The following SPSB3 variants were observed in gnomAD, a reference collection of about 807,000 sequenced individuals.
The protein encoded by SPSB3 is splA/ryanodine receptor domain and SOCS box containing 3.
Under a neutral mutation model 29.5 loss-of-function variants are expected in SPSB3, and 18 were observed. The ratio of observed to expected loss-of-function variants is 0.61; its 90% CI spans 0.42 to 0.91. SPSB3 has a LOEUF of 0.91. Among genes scored for constraint, SPSB3 ranks in the 40% least tolerant of loss-of-function variants. The pLI, the probability that SPSB3 is intolerant of heterozygous loss-of-function variation, is 0.00. For synonymous variants in SPSB3, 299 were observed against 214.1 expected (o/e 1.40, Z -3.46); for missense variants, 540 against 507.5 (o/e 1.06, Z -0.61).
rs2042718949 is a variant in SPSB3 at position 1,776,758 on chromosome 16, A to G, written c.*339T>C. 4.8e-6 allele frequency: 2 copies of G among 415,432 alleles called. No individual in the cohort carries two copies. The highest frequency in any genetic ancestry group is 3.4e-5 in the South Asian group (1 of 29,686). The allele number at this position is 415,432 out of a possible 1,614,324, so 25.7% of individuals were successfully genotyped here. On this transcript the variant is annotated 3_prime_UTR_variant, in exon 7 of 7. Transcript: ENST00000566339. Reference sequence around the variant, plus strand: ...ACATTTATTGCAGTCCTTTAAGTCTATGACGGCGGGGCAGCCGCTGACAGC... The same window carrying G: ...ACATTTATTGCAGTCCTTTAAGTCTGTGACGGCGGGGCAGCCGCTGACAGC...
At chr16:1,781,162 G>C in intron 2 of SPSB3, 196 bp downstream of exon 2, 1 of 1,530,610 alleles carries the variant, frequency 6.5e-7, no homozygotes, top group Non-Finnish European at 8.7e-7. Flanking sequence ...CTGAGGCTGT[G>C]TGTGTCCTTT....
At chr16:1,778,866 C>A in intron 2 of SPSB3, 2 of 411,618 alleles carry the variant, frequency 4.9e-6, no homozygotes, top group Non-Finnish European at 8.6e-6. Flanking sequence ...GCCTGGCCTC[C>A]AAGTGGTTTC....
chr16:1,781,026 C>T lies in SPSB3; in HGVS notation c.126+332G>A, dbSNP rs149544074. ...AGGATTATAGGTGTGAGCCACAGTG[C>T]CCAGCCCCGTAGTGGAGAATTTCTG... On this transcript the variant is annotated intron_variant, in intron 2 of 6. Coordinates refer to ENST00000566339, the MANE Select transcript of SPSB3 (RefSeq NM_080861.4). The T allele has an allele frequency of 1.1e-4, 69 of 610,744 alleles. No individual in the cohort carries two copies. The African/African-American group carries it at 1.1e-3, about 10-fold the overall frequency. 37.8% of individuals were successfully genotyped at this position (610,744 alleles called of 1,614,324 possible).
chr16:1,777,396 A>G lies in SPSB3; in HGVS notation c.769T>C (p.Cys257Arg). ...ATGCTGCTCCGGGCCGCCGTGGAGC[A>G]CACCATCGGGTAGAATCTCTTGTTC... is the stretch of plus-strand genomic sequence containing the variant. ...LQNKRFYPMVCSTAARSSMKV... is the reference protein window; with the variant it reads ...LQNKRFYPMVRSTAARSSMKV... The change falls in exon 7 of 7, where the codon TGC becomes CGC. Residue 257 changes from cysteine to arginine, a missense_variant. Physicochemically the swap from Cys to Arg is radical, Grantham distance 180. Transcript: ENST00000566339. 1 of 1,586,376 alleles carries G rather than the reference A, an allele frequency of 6.3e-7. No homozygotes were observed. Among genetic ancestry groups the G allele is most frequent in the Non-Finnish European group, 8.6e-7 (1 of 1,169,214 alleles).
intron 3 of SPSB3, 25 bp from the exon 4 acceptor site, chr16:1,778,346 C>T (rs958273887): frequency 2.5e-6 from 4 of 1,611,198 alleles, no homozygotes; most frequent in East Asian, 2.2e-5. Context: ...CAGGCTGGGG[C>T]AGCCCTGAGA....
rs779210941 is a variant in SPSB3 at position 1,777,068 on chromosome 16, C to A, written c.*29G>T. On this transcript the variant is annotated 3_prime_UTR_variant, in exon 7 of 7. Coordinates refer to ENST00000566339, the MANE Select transcript of SPSB3 (RefSeq NM_080861.4). ...GACAGAGGAAAGGGGCTGTCCCAGC[C>A]CAAGAAGGCAGTTCCACTGGGAAGT... 12 of 1,601,198 alleles carry A rather than the reference C, an allele frequency of 7.5e-6. No homozygotes were observed. The South Asian group carries it at 1.3e-4, about 18-fold the overall frequency.
chr16:1,780,956 C>G, intron 2 of SPSB3: 1 of 355,108 alleles, frequency 2.8e-6, no homozygotes, highest in Non-Finnish European at 5.4e-6. Context: ...AGGTCTCAAA[C>G]TCCTGGGCTC....
intron 6 of SPSB3, 108 bp from the exon 7 acceptor site, chr16:1,777,551 C>A: frequency 7.3e-7 from 1 of 1,365,884 alleles, no homozygotes; most frequent in Non-Finnish European, 9.7e-7. Context: ...GCTGGCACAG[C>A]TGAGGCAAGG....
chr16:1,780,620 T>C (rs1178435), intron 2 of SPSB3: 131,490 of 154,636 alleles, frequency 0.85, 56,423 homozygotes, highest in African/African-American at 0.96. Flanking sequence ...TTAACACACA[T>C]ATATGTGAAC....
Position 1,777,740 on chromosome 16 carries a change from G to C in SPSB3, c.721+7C>G, listed in dbSNP as rs1293970211. The stretch of plus-strand genomic sequence containing the variant: ...TGAGAGGAGCTCAAGTCCTGTGACG[G>C]CCTCACCTATACACTTCCTGTTCTT... On this transcript the variant is annotated splice_region_variant and intron_variant, in intron 6 of 6. Coordinates refer to ENST00000566339, the MANE Select transcript of SPSB3 (RefSeq NM_080861.4). 1 of 1,611,590 alleles carries C rather than the reference G, an allele frequency of 6.2e-7. No individual in the cohort carries two copies.
rs1413833256 is a variant in SPSB3, at chr16:1,777,067, C to A, written c.*30G>T. The A allele has an allele frequency of 3.7e-6, 6 of 1,600,204 alleles. No individual in the cohort carries two copies. The highest frequency in any genetic ancestry group is 4.3e-6 in the Non-Finnish European group (5 of 1,172,596). On this transcript the variant is annotated 3_prime_UTR_variant, in exon 7 of 7. Coordinates refer to ENST00000566339, the MANE Select transcript of SPSB3 (RefSeq NM_080861.4). ...GGACAGAGGAAAGGGGCTGTCCCAG[C>A]CCAAGAAGGCAGTTCCACTGGGAAG...
intron 2 of SPSB3, chr16:1,780,820 CCT>C (rs1896682315): frequency 7.2e-6 from 2 of 276,412 alleles, no homozygotes; most frequent in Non-Finnish European, 1.4e-5. Context: ...GCAGCCTTGA[CCT>C]CCCTGGCTCA....
intron 1 of SPSB3, chr16:1,781,742 T>G: frequency 2.0e-6 from 1 of 511,370 alleles, no homozygotes; most frequent in East Asian, 3.4e-5. Flanking sequence ...TCCCAGCCCC[T>G]CTCTCCGGTT....
chr16:1,781,140 G>A (rs571262781), intron 2 of SPSB3: 80 of 1,508,002 alleles, frequency 5.3e-5, no homozygotes, highest in Non-Finnish European at 6.4e-5. Context: ...GTGTTCTGAG[G>A]TCCTGTCACC....
At chr16:1,781,614 G>C (rs759228383) in intron 1 of SPSB3, 119 bp from the exon 2 acceptor site, 13 of 1,119,298 alleles carry the variant, frequency 1.2e-5, no homozygotes, top group Non-Finnish European at 1.5e-5. Context: ...CCGGTGCCCA[G>C]CCAGGGCTCC....
intron 2 of SPSB3, 125 bp downstream of exon 2, chr16:1,781,233 G>A: frequency 6.3e-7 from 1 of 1,591,470 alleles, no homozygotes; most frequent in Non-Finnish European, 8.5e-7. Context: ...GGTTTGGACT[G>A]GTCCTCTAGC....
chr16:1,777,032 G>C lies in SPSB3; in HGVS notation c.*65C>G. The C allele has an allele frequency of 6.5e-7, 1 of 1,539,808 alleles. No homozygotes were observed. The highest frequency in any genetic ancestry group is 8.8e-7 in the Non-Finnish European group (1 of 1,135,580). Reference sequence around the variant, plus strand: ...GGAGTGTGGCTGGAAGGAAGGGACAGAGAAAGAAGGGACAGAGGAAAGGGG... The same window carrying C: ...GGAGTGTGGCTGGAAGGAAGGGACACAGAAAGAAGGGACAGAGGAAAGGGG... On this transcript the variant is annotated 3_prime_UTR_variant, in exon 7 of 7. Coordinates refer to ENST00000566339, the MANE Select transcript of SPSB3 (RefSeq NM_080861.4).
chr16:1,777,249 T>C lies in SPSB3; in HGVS notation c.916A>G (p.Lys306Glu). ...LEGLPLPPGL[K>E]QVLHNKLGWV... ...CCCAGCTTGTTGTGTAGCACCTGCTTGAGGCCCGGCGGCAGCGGCAGACCC... is the reference window on the plus strand; with the variant it reads ...CCCAGCTTGTTGTGTAGCACCTGCTCGAGGCCCGGCGGCAGCGGCAGACCC... The change falls in exon 7 of 7, where the codon AAG becomes GAG. Residue 306 changes from lysine (K) to glutamate (E), a missense_variant. By Grantham distance (56) the Lys-to-Glu change is moderately conservative. Transcript: ENST00000566339. The C allele has an allele frequency of 6.2e-7, 1 of 1,610,878 alleles. No homozygotes were observed.
At position 1,778,476 on chromosome 16, in the gene SPSB3, G is replaced by A. The variant is rs1252602788; in HGVS notation, c.263C>T (p.Ala88Val). Residue 88 changes from alanine (A) to valine (V), a missense_variant, in exon 3 of 7, where the codon GCC becomes GTC. Transcript: ENST00000566339. The stretch of plus-strand genomic sequence containing the variant: ...GCAGCGGCAGTCCCTGCCCCGGTGG[G>A]CCGAGTGCAGGCTGCTACAGAAGGA... The part of the protein sequence containing the change: ...EASFCSSLHS[A>V]HRGRDCRCGE... 1 of 1,611,550 alleles carries A rather than the reference G, an allele frequency of 6.2e-7. No homozygotes were observed. The highest frequency in any genetic ancestry group is 1.7e-5 in the Admixed American group (1 of 59,984).
Sources: allele counts gnomAD v4.1 joint callset, GRCh38; gene constraint gnomAD v4.1.1; transcripts MANE v1.5; gene names NCBI Gene and HGNC (gene_info 2026-07-23, HGNC 2026-07-21).